Variants in PTPRA observed in about 807,000 individuals in gnomAD.
The protein encoded by PTPRA is receptor-type tyrosine-protein phosphatase alpha.
PTPRA carries 25 observed loss-of-function variants against 104.8 expected under a neutral mutation model. The ratio of observed to expected loss-of-function variants is 0.24; its 90% confidence interval spans 0.17 to 0.33. The LOEUF is 0.33. Ranked by LOEUF, PTPRA falls within the 10% of genes least tolerant of loss-of-function variation. The pLI is 1.00. For synonymous variants in PTPRA, 323 were observed against 368.9 expected, an observed-to-expected ratio of 0.88 and a Z score of 1.43; for missense variants, 765 against 1,015.3, an observed-to-expected ratio of 0.75 and a Z score of 3.35.
intron 9 of PTPRA, among the ~76,000 whole-genome samples, chr20:2,990,097 G>C (rs768893576): frequency 9.9e-5 from 15 of 152,182 alleles, no homozygotes; most frequent in Non-Finnish European, 1.6e-4. Context: ...AATACAGTTA[G>C]GGGTTACAGG....
At chr20:2,994,773 C>G (rs1459270694) in intron 9 of PTPRA, among the ~76,000 whole-genome samples, 1 of 152,220 alleles carries the variant, frequency 6.6e-6, no homozygotes, top group Non-Finnish European at 1.5e-5. Context: ...AAAACCATGG[C>G]CAGTTACCTG....
intron 2 of PTPRA, among the ~76,000 whole-genome samples, chr20:2,943,215 C>T (rs1169693800): frequency 7.2e-6 from 1 of 139,356 alleles, no homozygotes; most frequent in Non-Finnish European, 1.6e-5. Flanking sequence ...ATCCCCCCAC[C>T]CCCCCCCCAG....
the PTPRA span, among the ~76,000 whole-genome samples, chr20:2,867,522 CCG>C: frequency 3.3e-5 from 5 of 149,332 alleles, no homozygotes; most frequent in African/African-American, 1.0e-4. Flanking sequence ...GTCTAGCCCT[CCG>C]TTGGCACTCC....
At chr20:2,954,817 T>C (rs1453936086) in intron 3 of PTPRA, among the ~76,000 whole-genome samples, 1 of 152,234 alleles carries the variant, frequency 6.6e-6, no homozygotes, top group Non-Finnish European at 1.5e-5. Context: ...TTCTGAGTTT[T>C]ATAGTTTTAG....
Position 2,965,007 on chromosome 20 carries a change from A to G in PTPRA, c.220A>G (p.Thr74Ala), listed in dbSNP as rs1470263394. 3.1e-6 allele frequency: 5 copies of G among 1,614,012 alleles called. No individual in the cohort carries two copies. In the South Asian group the frequency reaches 3.3e-5, roughly 11 times the overall value. The change falls in exon 5 of 24, where the codon ACC becomes GCC. Residue 74 changes from threonine (T) to alanine (A), a missense_variant. Around this residue, in one of 4 missense-constraint regions of PTPRA, gnomAD observed 256 missense variants for 248.9 expected, o/e 1.03. Coordinates refer to ENST00000399903, the MANE Select transcript of PTPRA (RefSeq NM_001385305.1). Reference protein sequence around the residue: ...TFSPNITLGPTYLTTVNSSDS... With the variant: ...TFSPNITLGPAYLTTVNSSDS... ...CAGCCCAAATATAACTCTGGGACCC[A>G]CCTATTTAACCACTGTCAATTCTTC...
In PTPRA at chr20:3,027,729, A is replaced by G. The variant is rs2065216721; in HGVS notation, c.1808A>G (p.Tyr603Cys). ...FIDGYRQKDS[Y>C]IASQGPLLHT... ...CAGGGCTACCGGCAGAAGGACTCCT[A>G]TATCGCCAGCCAGGGCCCTCTTCTC... is the stretch of plus-strand genomic sequence containing the variant. Residue 603 changes from tyrosine to cysteine, a missense_variant, in exon 20 of 24, where the codon TAT (tyrosine) becomes TGT (cysteine). Physicochemically the swap from Tyr to Cys is radical, Grantham distance 194. Coordinates refer to ENST00000399903, the MANE Select transcript of PTPRA (RefSeq NM_001385305.1). 1 of 1,614,020 alleles carries G rather than the reference A, an allele frequency of 6.2e-7. No homozygotes were observed. Among genetic ancestry groups the G allele is most frequent in the Non-Finnish European group, 8.5e-7 (1 of 1,179,982 alleles).
At chr20:3,010,451 A>AT (rs1168269944) in intron 11 of PTPRA, among the ~76,000 whole-genome samples, 2 of 151,496 alleles carry the variant, frequency 1.3e-5, no homozygotes, top group Non-Finnish European at 2.9e-5. Context: ...ACACGGTGAA[A>AT]CCCCGTCTCT....
chr20:2,950,721 T>A lies in PTPRA; in HGVS notation c.-7+2697T>A, dbSNP rs2061326222. On this transcript the variant is annotated intron_variant, in intron 3 of 23. Transcript: ENST00000399903. The surrounding 1 kb of genome is among the most constrained non-coding windows in gnomAD (Gnocchi z 4.0). ...TCAAATAACTACTTTTGGCTTTGTT[T>A]CATTTTTATTATACAATAAAATGAA... 6.6e-6 allele frequency among the ~76,000 whole-genome samples: 1 copy of A among 152,228 alleles called. No homozygotes were observed. The highest frequency in any genetic ancestry group is 1.5e-5 in the Non-Finnish European group (1 of 68,038).
the PTPRA span, chr20:2,864,595 G>A: frequency 6.2e-7 from 1 of 1,614,138 alleles, no homozygotes; most frequent in African/African-American, 1.3e-5. The surrounding 1 kb of genome is among the most constrained non-coding windows in gnomAD (Gnocchi z 5.2). Flanking sequence ...TTACAATCAG[G>A]ATGACAATCA....
At chr20:2,910,578 G>GTTTTTTTTTTTTTTTTTTT (rs1245304127) in intron 1 of PTPRA, among the ~76,000 whole-genome samples, 3 of 32,426 alleles carry the variant, frequency 9.3e-5, no homozygotes, top group Non-Finnish European at 1.6e-4. Context: ...TGCCCAGCTA[G>GTTTTTTTTTTTTTTTTTTT]TTTTTTTTTT....
At chr20:2,979,565 C>A (rs778626283) in intron 6 of PTPRA, among the ~76,000 whole-genome samples, 1 of 152,174 alleles carries the variant, frequency 6.6e-6, no homozygotes, top group South Asian at 2.1e-4. Flanking sequence ...CATGCTCTGT[C>A]GCCCAGGCTG....
chr20:2,994,923 A>C (rs1372331230), intron 9 of PTPRA, among the ~76,000 whole-genome samples: 1 of 152,174 alleles, frequency 6.6e-6, no homozygotes, highest in Non-Finnish European at 1.5e-5. Flanking sequence ...TGAGGTCAGG[A>C]GTTTGAGACC....
intron 2 of PTPRA, among the ~76,000 whole-genome samples, chr20:2,943,012 T>C (rs1465441564): frequency 6.6e-6 from 1 of 151,874 alleles, no homozygotes; most frequent in Non-Finnish European, 1.5e-5. Context: ...TTCTCTTTTT[T>C]CTTGCTTTTT....
chr20:2,924,915 A>G (rs1004555860), intron 2 of PTPRA, among the ~76,000 whole-genome samples: 3 of 152,014 alleles, frequency 2.0e-5, no homozygotes, highest in Non-Finnish European at 4.4e-5. Context: ...GCCCAACCTC[A>G]TGATCCGCCT....
At chr20:3,012,569 A>G (rs2064225372) in intron 11 of PTPRA, among the ~76,000 whole-genome samples, 1 of 152,256 alleles carries the variant, frequency 6.6e-6, no homozygotes, top group Non-Finnish European at 1.5e-5. Flanking sequence ...GTGAGATGGA[A>G]GGAGACCAAG....
intron 3 of PTPRA, among the ~76,000 whole-genome samples, chr20:2,957,412 A>AT (rs2061577496): frequency 6.6e-6 from 1 of 152,176 alleles, no homozygotes; most frequent in African/African-American, 2.4e-5. Context: ...TCGTTTACCC[A>AT]TTTTACTTTT....
chr20:2,959,080 C>T (rs964316249), intron 3 of PTPRA, among the ~76,000 whole-genome samples: 7 of 152,060 alleles, frequency 4.6e-5, no homozygotes, highest in Admixed American at 6.6e-5. Context: ...AAGTCTTTCT[C>T]GGAGACGGAT....
intron 1 of PTPRA, among the ~76,000 whole-genome samples, chr20:2,876,622 C>G (rs1484180241): frequency 3.9e-5 from 6 of 152,186 alleles, no homozygotes; most frequent in Non-Finnish European, 7.3e-5. Context: ...TCTTCTCTTA[C>G]AGCAATGAAT....
chr20:2,917,804 AAAAAAAAAGT>A (rs2059958144), intron 1 of PTPRA, among the ~76,000 whole-genome samples: 1 of 150,306 alleles, frequency 6.7e-6, no homozygotes, highest in South Asian at 2.1e-4. Flanking sequence ...ACCTATCTCA[AAAAAAAAAGT>A]AAGACTTTAG....
Sources: allele counts gnomAD v4.1 joint callset (sites outside exome capture counted in the v4.1 genomes callset), GRCh38; gene constraint gnomAD v4.1.1; regional missense constraint gnomAD v4.1.1; non-coding constraint Gnocchi (gnomAD v3.1); transcripts MANE v1.5; gene names NCBI Gene and HGNC (gene_info 2026-07-23, HGNC 2026-07-21).